GPD2: variants seen among roughly 807,000 people sequenced by gnomAD.
GPD2 encodes the protein glycerol-3-phosphate dehydrogenase 2, also known as glycerol-3-phosphate dehydrogenase, mitochondrial.
A neutral mutation model predicts 82.4 loss-of-function variants in GPD2; 54 were observed. That is an observed-to-expected ratio of 0.66 (90% CI 0.53 to 0.82). GPD2 has a LOEUF of 0.82. GPD2 is among the 40% of genes least tolerant of loss of function. The probability of loss-of-function intolerance (pLI) is 0.00; values close to 1 mark genes in which losing one functional copy is unlikely to be tolerated. For synonymous variants in GPD2, 288 were observed against 306.1 expected, an observed-to-expected ratio of 0.94 and a Z score of 0.62; for missense variants, 748 against 896.2, an observed-to-expected ratio of 0.83 and a Z score of 2.11.
At chr2:156,575,578 A>AT (rs1000089410) in intron 13 of GPD2, among the ~76,000 whole-genome samples, 9 of 149,866 alleles carry the variant, frequency 6.0e-5, no homozygotes, top group Admixed American at 1.3e-4. Context: ...AGTTTTTAAA[A>AT]TTTTTTTTGT....
chr2:156,459,750 G>A (rs1043095256), intron 1 of GPD2, among the ~76,000 whole-genome samples: 2 of 144,130 alleles, frequency 1.4e-5, no homozygotes, highest in Middle Eastern at 3.7e-3. Flanking sequence ...AATCTTTTAC[G>A]TAAGGACATT....
chr2:156,569,345 C>G lies in GPD2; in HGVS notation c.1301-18C>G, dbSNP rs747169539. ...AAGGGGTGGCAACCTGATGAATTGT[C>G]TATCAATTTCTTTATAGGTGGAAAG... On this transcript the variant is annotated intron_variant, in intron 10 of 16. Coordinates refer to ENST00000438166, the MANE Select transcript of GPD2 (RefSeq NM_000408.5). 1.9e-6 allele frequency: 3 copies of G among 1,562,984 alleles called. No homozygotes were observed. The highest frequency in any genetic ancestry group is 2.2e-5 in the South Asian group (2 of 90,046).
chr2:156,469,181 G>T (rs1404112820), intron 1 of GPD2, among the ~76,000 whole-genome samples: 1 of 152,022 alleles, frequency 6.6e-6, no homozygotes, highest in African/African-American at 2.4e-5. Flanking sequence ...TTTTTGAGAC[G>T]GAGTCTCTCG....
upstream of GPD2, chr2:156,436,277 C>T (rs1204189689): frequency 6.5e-6 from 1 of 152,746 alleles, no homozygotes; most frequent in Non-Finnish European, 1.5e-5. Context: ...GGTCAGGCCT[C>T]CGGGAGGGAG....
At chr2:156,475,737 T>C (rs1683487566) in intron 1 of GPD2, among the ~76,000 whole-genome samples, 1 of 152,184 alleles carries the variant, frequency 6.6e-6, no homozygotes, top group Non-Finnish European at 1.5e-5. Context: ...GAGGATTAGG[T>C]GTTGAGCAAA....
At chr2:156,511,383 T>C (rs1684992407) in intron 4 of GPD2, among the ~76,000 whole-genome samples, 3 of 152,216 alleles carry the variant, frequency 2.0e-5, no homozygotes, top group Admixed American at 2.0e-4. Context: ...TCACACTTTA[T>C]TGTGTCCAGC....
chr2:156,451,694 G>A (rs1255708231), intron 1 of GPD2, among the ~76,000 whole-genome samples: 2 of 140,746 alleles, frequency 1.4e-5, no homozygotes, highest in Admixed American at 6.8e-5. Context: ...AGGGCGGGGG[G>A]CTGACCCCCC....
Position 156,512,249 on chromosome 2 carries a change from G to A in GPD2, c.429G>A (p.Glu143=). ...QYRMVKEALH[E]RANLLEIAPH... ...GGATGGTAAAAGAAGCCCTTCATGA[G>A]CGTGCCAACCTGCTAGAAATTGCTC... The change falls in exon 5 of 17, where the codon GAG becomes GAA. Residue 143 remains glutamate (E), a synonymous_variant. Transcript: ENST00000438166. 6.2e-7 allele frequency: 1 copy of A among 1,600,038 alleles called. No individual in the cohort carries two copies. Among genetic ancestry groups the A allele is most frequent in the South Asian group, 1.1e-5 (1 of 90,840 alleles).
At chr2:156,465,479 A>G (rs530767172) in intron 1 of GPD2, among the ~76,000 whole-genome samples, 12 of 150,538 alleles carry the variant, frequency 8.0e-5, no homozygotes, top group African/African-American at 2.2e-4. Context: ...CTCCCACTTC[A>G]GTCTCCTGAG....
chr2:156,526,351 G>A (rs1303609588), intron 6 of GPD2, among the ~76,000 whole-genome samples: 1 of 152,034 alleles, frequency 6.6e-6, no homozygotes, highest in Non-Finnish European at 1.5e-5. Flanking sequence ...AGTCTCAAAT[G>A]CTGTTATTAT....
chr2:156,488,914 C>T (rs894502792), intron 2 of GPD2, among the ~76,000 whole-genome samples: 7 of 152,254 alleles, frequency 4.6e-5, no homozygotes, highest in African/African-American at 1.7e-4. Context: ...AGTATTATTA[C>T]ATATTAGATA....
chr2:156,505,639 C>T (rs1041796943), intron 3 of GPD2, among the ~76,000 whole-genome samples: 1 of 152,180 alleles, frequency 6.6e-6, no homozygotes, highest in Non-Finnish European at 1.5e-5. Context: ...GTAAGGAGGT[C>T]ACTCTTTCTA....
chr2:156,507,016 C>CTT (rs571078082), intron 3 of GPD2, among the ~76,000 whole-genome samples: 1 of 147,118 alleles, frequency 6.8e-6, no homozygotes, highest in Non-Finnish European at 1.5e-5. Flanking sequence ...CATGCTACAT[C>CTT]TTTTTTTTTT....
At chr2:156,506,195 A>G (rs755499642) in intron 3 of GPD2, among the ~76,000 whole-genome samples, 1 of 152,220 alleles carries the variant, frequency 6.6e-6, no homozygotes, top group East Asian at 1.9e-4. Flanking sequence ...TGGTTTGGAA[A>G]ACTTTCAGTA....
chr2:156,494,810 G>A (rs1028150916), intron 2 of GPD2, among the ~76,000 whole-genome samples: 11 of 152,158 alleles, frequency 7.2e-5, no homozygotes, highest in Non-Finnish European at 1.6e-4. Context: ...AGCAATGCTG[G>A]CCAGTACTGT....
rs1054749653 is a variant in GPD2, at chr2:156,537,209, A to G, written c.662-12399A>G. ...TTTCCAGAGGGATGGGGCTCCCTGT[A>G]TAATGCCAGGGGCTGCCAGGATTGA... On this transcript the variant is annotated intron_variant, in intron 6 of 16. Transcript: ENST00000438166. 2.2e-4 allele frequency among the ~76,000 whole-genome samples: 34 copies of G among 152,200 alleles called. 1 individual carries two copies. Among genetic ancestry groups the G allele is most frequent in the African/African-American group, 7.5e-4 (31 of 41,452 alleles).
chr2:156,551,351 G>A (rs1050929283), intron 8 of GPD2, among the ~76,000 whole-genome samples: 5 of 152,146 alleles, frequency 3.3e-5, no homozygotes, highest in African/African-American at 9.7e-5. Flanking sequence ...GGTACATGGA[G>A]CGTCATTAAA....
intron 1 of GPD2, among the ~76,000 whole-genome samples, chr2:156,454,783 G>T (rs1682730361): frequency 6.6e-6 from 1 of 152,042 alleles, no homozygotes; most frequent in Non-Finnish European, 1.5e-5. Context: ...AGCATGCTAG[G>T]GTTAGTCCTG....
At chr2:156,515,054 T>G (rs1372931096) in intron 6 of GPD2, among the ~76,000 whole-genome samples, 1 of 152,194 alleles carries the variant, frequency 6.6e-6, no homozygotes, top group South Asian at 2.1e-4. Flanking sequence ...TTTCTATACT[T>G]TGTGATCTAT....
Sources: allele counts gnomAD v4.1 joint callset (sites outside exome capture counted in the v4.1 genomes callset), GRCh38; gene constraint gnomAD v4.1.1; transcripts MANE v1.5; gene names NCBI Gene and HGNC (gene_info 2026-07-23, HGNC 2026-07-21).